The following EPHA6 variants were observed in gnomAD, a reference collection of about 807,000 sequenced individuals.
EPHA6 encodes the protein ephrin type-A receptor 6.
EPHA6 carries 50 observed loss-of-function variants against 112.0 expected under a neutral mutation model. The observed-to-expected ratio is 0.45, with a 90% CI of 0.36 to 0.56. The LOEUF (loss-of-function observed/expected upper bound fraction) is 0.56, where lower values mean the gene tolerates loss of function less well. Among genes scored for constraint, EPHA6 ranks in the 20% least tolerant of loss-of-function variants. EPHA6 has a pLI of 0.00. For missense variants in EPHA6, 1,280 were observed against 1,417.4 expected, an observed-to-expected ratio of 0.90 and a Z score of 1.56; for synonymous variants, 529 against 490.7, an observed-to-expected ratio of 1.08 and a Z score of -1.03.
At chr3:97,244,486 A>C (rs2078931992) in intron 5 of EPHA6, 199 bp downstream of exon 5, 1 of 562,616 alleles carries the variant, frequency 1.8e-6, no homozygotes, top group Admixed American at 3.2e-5. Context: ...CAGTATGAAT[A>C]ATAAGATGAA....
At chr3:96,982,105 T>G (rs1371370085) in intron 2 of EPHA6, among the ~76,000 whole-genome samples, 1 of 152,188 alleles carries the variant, frequency 6.6e-6, no homozygotes, top group African/African-American at 2.4e-5. Flanking sequence ...AGCTTTTGAA[T>G]GTGTTTGCTC....
intron 14 of EPHA6, among the ~76,000 whole-genome samples, chr3:97,713,465 C>G (rs1008019574): frequency 6.6e-6 from 1 of 152,200 alleles, no homozygotes; most frequent in South Asian, 2.1e-4. Flanking sequence ...TAAAACAATG[C>G]TGTTTACCAT....
At chr3:97,224,115 G>A (rs1254094208) in intron 3 of EPHA6, among the ~76,000 whole-genome samples, 1 of 151,738 alleles carries the variant, frequency 6.6e-6, no homozygotes, top group Non-Finnish European at 1.5e-5. Context: ...GGATATATTG[G>A]GTTAAATAAA....
At chr3:97,210,306 T>A (rs2077832437) in intron 3 of EPHA6, among the ~76,000 whole-genome samples, 1 of 152,128 alleles carries the variant, frequency 6.6e-6, no homozygotes, top group African/African-American at 2.4e-5. Flanking sequence ...AAGTACCTTC[T>A]TCACAAGGTG....
intron 2 of EPHA6, among the ~76,000 whole-genome samples, chr3:96,954,803 T>C (rs901276471): frequency 2.5e-5 from 3 of 119,916 alleles, no homozygotes; most frequent in African/African-American, 1.2e-4. Context: ...TTTTTTTTTT[T>C]TGAGACGGAG....
At chr3:96,887,413 G>T (rs1315607789) in intron 2 of EPHA6, among the ~76,000 whole-genome samples, 18 of 152,180 alleles carry the variant, frequency 1.2e-4, no homozygotes, top group Admixed American at 1.2e-3. Flanking sequence ...TAGTGGTGTT[G>T]CCTGTACAGG....
chr3:97,464,727 T>C (rs2091001360), intron 7 of EPHA6, among the ~76,000 whole-genome samples: 1 of 152,040 alleles, frequency 6.6e-6, no homozygotes, highest in South Asian at 2.1e-4. Context: ...CGAGGAGTAA[T>C]GCTCCCATGG....
intron 3 of EPHA6, among the ~76,000 whole-genome samples, chr3:97,169,517 T>G (rs924191596): frequency 6.6e-6 from 1 of 152,140 alleles, no homozygotes; most frequent in Admixed American, 6.6e-5. Flanking sequence ...GTATCTTGTA[T>G]GTATGATGTG....
chr3:96,924,760 T>C (rs531651761), intron 2 of EPHA6, among the ~76,000 whole-genome samples: 1 of 152,150 alleles, frequency 6.6e-6, no homozygotes, highest in Non-Finnish European at 1.5e-5. Context: ...CAGTATGATA[T>C]TGGCTGTGGG....
chr3:96,881,334 C>T (rs577198509), intron 2 of EPHA6, among the ~76,000 whole-genome samples: 1 of 152,074 alleles, frequency 6.6e-6, no homozygotes, highest in South Asian at 2.1e-4. Flanking sequence ...GCTGGGGAAG[C>T]CTCACATTCA....
At chr3:96,916,739 T>A (rs1430073078) in intron 2 of EPHA6, among the ~76,000 whole-genome samples, 1 of 152,134 alleles carries the variant, frequency 6.6e-6, no homozygotes, top group African/African-American at 2.4e-5. Flanking sequence ...TAAAATGACT[T>A]ATTAGCGCTT....
intron 3 of EPHA6, among the ~76,000 whole-genome samples, chr3:97,024,209 C>G (rs2107991370): frequency 6.6e-6 from 1 of 152,086 alleles, no homozygotes; most frequent in East Asian, 1.9e-4. Context: ...ATCTTTTTTT[C>G]AAATGGCAAA....
chr3:96,839,894 A>T (rs2034633514), intron 1 of EPHA6, among the ~76,000 whole-genome samples: 1 of 152,106 alleles, frequency 6.6e-6, no homozygotes, highest in African/African-American at 2.4e-5. Context: ...CAGTTAAAAA[A>T]ATAATAATTC....
At chr3:97,480,799 T>A (rs191833148) in intron 9 of EPHA6, among the ~76,000 whole-genome samples, 12,297 of 148,044 alleles carry the variant, frequency 0.083, 790 homozygotes, top group Admixed American at 0.22. Context: ...ACTTCCCAGA[T>A]GGGGCGGCTG....
intron 11 of EPHA6, among the ~76,000 whole-genome samples, chr3:97,575,914 A>C (rs936439168): frequency 6.6e-6 from 1 of 152,182 alleles, no homozygotes; most frequent in Non-Finnish European, 1.5e-5. Flanking sequence ...TAAGAAAGAC[A>C]GGTTTTCACT....
chr3:97,261,442 T>G (rs566424390), intron 5 of EPHA6, among the ~76,000 whole-genome samples: 1 of 152,316 alleles, frequency 6.6e-6, no homozygotes, highest in South Asian at 2.1e-4. Context: ...CATGAACTTA[T>G]GGCAGATGTG....
intron 1 of EPHA6, among the ~76,000 whole-genome samples, chr3:96,839,254 G>A (rs927768631): frequency 2.6e-5 from 4 of 152,024 alleles, no homozygotes; most frequent in East Asian, 1.9e-4. Flanking sequence ...AAGCATTACC[G>A]CCTAGTGTCA....
chr3:97,502,539 C>G (rs1176904613), intron 10 of EPHA6, among the ~76,000 whole-genome samples: 1 of 151,668 alleles, frequency 6.6e-6, no homozygotes, highest in East Asian at 1.9e-4. Flanking sequence ...ACACATTAAT[C>G]AAAAGTCAAT....
chr3:97,625,108 T>A (rs2093844674), intron 13 of EPHA6, among the ~76,000 whole-genome samples: 1 of 151,656 alleles, frequency 6.6e-6, no homozygotes, highest in Non-Finnish European at 1.5e-5. Flanking sequence ...TTTGTTCTTC[T>A]CTTGTTCCTT....
Sources: allele counts gnomAD v4.1 joint callset (sites outside exome capture counted in the v4.1 genomes callset), GRCh38; gene constraint gnomAD v4.1.1; transcripts MANE v1.5; gene names NCBI Gene and HGNC (gene_info 2026-07-23, HGNC 2026-07-21).